PTPRD: variants seen among roughly 807,000 people sequenced by gnomAD.
PTPRD encodes the protein protein tyrosine phosphatase receptor type D, also known as receptor-type tyrosine-protein phosphatase delta.
A neutral mutation model predicts 214.5 loss-of-function variants in PTPRD; 34 were observed. That is an observed-to-expected ratio of 0.16 (90% CI 0.12 to 0.21). The LOEUF is 0.21. Ranked by LOEUF, PTPRD falls within the 10% of genes least tolerant of loss-of-function variation. PTPRD has a pLI of 1.00. For missense variants in PTPRD, 2,545 were observed against 2,398.7 expected, an observed-to-expected ratio of 1.06 and a Z score of -1.27; for synonymous variants, 1,128 against 845.7, an observed-to-expected ratio of 1.33 and a Z score of -5.79.
chr9:9,092,093 G>A (rs1220336260), intron 10 of PTPRD, among the ~76,000 whole-genome samples: 1 of 152,128 alleles, frequency 6.6e-6, no homozygotes, highest in Non-Finnish European at 1.5e-5. Flanking sequence ...GGTTTATAAT[G>A]TACTGGATGG....
intron 5 of PTPRD, among the ~76,000 whole-genome samples, chr9:9,855,990 T>A (rs1389013454): frequency 1.3e-5 from 2 of 152,072 alleles, no homozygotes; most frequent in Non-Finnish European, 2.9e-5. Flanking sequence ...TTGTCCAGCA[T>A]CCAGGAAAAA....
intron 2 of PTPRD, among the ~76,000 whole-genome samples, chr9:10,542,628 C>CT (rs1161394017): frequency 1.3e-5 from 2 of 152,080 alleles, no homozygotes; most frequent in Non-Finnish European, 1.5e-5. Context: ...TTGTTGATCA[C>CT]TTACCTTTAT....
chr9:9,864,545 G>C (rs1178335350), intron 5 of PTPRD, among the ~76,000 whole-genome samples: 1 of 151,992 alleles, frequency 6.6e-6, no homozygotes, highest in South Asian at 2.1e-4. Flanking sequence ...TTGAGGCACG[G>C]TCTCACTCTG....
chr9:8,393,133 T>C (rs892905621), intron 36 of PTPRD, among the ~76,000 whole-genome samples: 3 of 152,138 alleles, frequency 2.0e-5, no homozygotes, highest in Non-Finnish European at 4.4e-5. Context: ...CTTCCACTTT[T>C]TGGGGGGTGA....
rs112762849 is a variant in PTPRD, at chr9:8,863,310, A to G, written c.-103-129364T>C. 2.4e-3 allele frequency among the ~76,000 whole-genome samples: 372 copies of G among 152,316 alleles called. 1 individual carries two copies. The highest frequency in any genetic ancestry group is 8.6e-3 in the African/African-American group (356 of 41,568). On this transcript the variant is annotated intron_variant, in intron 11 of 45. Coordinates refer to ENST00000381196, the MANE Select transcript of PTPRD (RefSeq NM_002839.4). ...ACTGTGACAAATGGATATTCCCATT[A>G]AATTCTTTAGTAGACTGGGGCATTC...
chr9:9,308,316 G>A lies in PTPRD; in HGVS notation c.-203+89133C>T, dbSNP rs552059424. ...TAGAAACACATTTTAAACGGAACAC[G>A]TGTTTGTATACTTACAGGCAGTCCA... On this transcript the variant is annotated intron_variant, in intron 9 of 45. Transcript: ENST00000381196. Among the ~76,000 whole-genome samples the A allele has an allele frequency of 1.1e-4, 16 of 152,240 alleles. No individual in the cohort carries two copies. In the South Asian group the frequency reaches 3.1e-3, roughly 30 times the overall value.
chr9:8,339,170 G>T, intron 42 of PTPRD, 123 bp from the exon 43 acceptor site: 2 of 1,059,252 alleles, frequency 1.9e-6, no homozygotes, highest in Non-Finnish European at 2.6e-6. Context: ...AAAATTCAAG[G>T]CAATTCCAAT....
intron 32 of PTPRD, among the ~76,000 whole-genome samples, chr9:8,461,959 T>C (rs1464769937): frequency 1.3e-5 from 2 of 151,882 alleles, no homozygotes; most frequent in South Asian, 2.1e-4. Flanking sequence ...CCTGAACCCG[T>C]ATTCTTAAGT....
intron 3 of PTPRD, among the ~76,000 whole-genome samples, chr9:10,226,959 A>T (rs17621358): frequency 6.6e-6 from 1 of 152,016 alleles, no homozygotes. Context: ...TACAAGGAAT[A>T]TAATGTTTTT....
At chr9:10,403,035 T>C (rs1006864659) in intron 2 of PTPRD, among the ~76,000 whole-genome samples, 1 of 151,136 alleles carries the variant, frequency 6.6e-6, no homozygotes, top group East Asian at 2.0e-4. Context: ...CAGCCTAGGT[T>C]CCCCACATCA....
At chr9:8,441,068 G>A (rs1428508296) in intron 34 of PTPRD, among the ~76,000 whole-genome samples, 1 of 152,130 alleles carries the variant, frequency 6.6e-6, no homozygotes, top group Non-Finnish European at 1.5e-5. Context: ...GGCTAGGCTG[G>A]TAAGATAAAT....
intron 39 of PTPRD, among the ~76,000 whole-genome samples, chr9:8,345,442 G>A (rs1167791760): frequency 6.6e-6 from 1 of 152,044 alleles, no homozygotes; most frequent in Non-Finnish European, 1.5e-5. Flanking sequence ...TGACTTTCCT[G>A]TAGAGCGCTC....
chr9:8,392,695 T>G (rs1033742017), intron 36 of PTPRD, among the ~76,000 whole-genome samples: 2 of 152,164 alleles, frequency 1.3e-5, no homozygotes, highest in Admixed American at 6.6e-5. Context: ...AATGAAAGCC[T>G]CCTTCTGGCA....
chr9:10,246,865 G>A (rs1434556872), intron 3 of PTPRD, among the ~76,000 whole-genome samples: 1 of 151,720 alleles, frequency 6.6e-6, no homozygotes, highest in Non-Finnish European at 1.5e-5. Flanking sequence ...TTGCACTCCA[G>A]TCTGGGCAAC....
intron 3 of PTPRD, among the ~76,000 whole-genome samples, chr9:10,152,334 CAAAAT>C (rs1343004407): frequency 1.3e-5 from 2 of 152,082 alleles, no homozygotes; most frequent in Non-Finnish European, 2.9e-5. Context: ...AGTTTCTATA[CAAAAT>C]ATTTTGCTCA....
chr9:10,087,824 G>A (rs528870275), intron 3 of PTPRD, among the ~76,000 whole-genome samples: 72 of 151,698 alleles, frequency 4.7e-4, no homozygotes, highest in African/African-American at 1.7e-3. Flanking sequence ...AAAGTATCAC[G>A]GTAACTTCTT....
chr9:9,879,283 G>A (rs908881902), intron 5 of PTPRD, among the ~76,000 whole-genome samples: 7 of 152,146 alleles, frequency 4.6e-5, no homozygotes, highest in South Asian at 2.1e-4. Context: ...GCTATCTTGT[G>A]TGTAGGTTGT....
chr9:8,457,553 A>G (rs942951071), intron 33 of PTPRD, among the ~76,000 whole-genome samples: 1 of 152,086 alleles, frequency 6.6e-6, no homozygotes, highest in African/African-American at 2.4e-5. Flanking sequence ...AGAGTATGCC[A>G]TTTCCACATG....
chr9:10,259,860 A>G (rs1021379113), intron 3 of PTPRD, among the ~76,000 whole-genome samples: 4 of 152,114 alleles, frequency 2.6e-5, no homozygotes, highest in Admixed American at 6.5e-5. Flanking sequence ...GTGACGTCAC[A>G]CTTTTGAAGA....
Sources: allele counts gnomAD v4.1 joint callset (sites outside exome capture counted in the v4.1 genomes callset), GRCh38; gene constraint gnomAD v4.1.1; transcripts MANE v1.5; gene names NCBI Gene and HGNC (gene_info 2026-07-23, HGNC 2026-07-21).